The following FNIP1 variants were observed in gnomAD, a reference collection of about 807,000 sequenced individuals.
FNIP1 encodes folliculin-interacting protein 1.
FNIP1 carries 40 observed loss-of-function variants against 124.5 expected under a neutral mutation model. The ratio of observed to expected loss-of-function variants is 0.32; its 90% CI spans 0.25 to 0.42. FNIP1 has a LOEUF of 0.42. Among genes scored for constraint, FNIP1 ranks in the 10% least tolerant of loss-of-function variants. The probability of loss-of-function intolerance (pLI) is 1.00; values close to 1 mark genes in which losing one functional copy is unlikely to be tolerated. For missense variants in FNIP1, 1,176 were observed against 1,403.7 expected, an observed-to-expected ratio of 0.84 and a Z score of 2.59; for synonymous variants, 472 against 470.6, an observed-to-expected ratio of 1.00 and a Z score of -0.04.
chr5:131,657,146 G>T (rs1049309507), intron 15 of FNIP1, among the ~76,000 whole-genome samples: 1 of 150,980 alleles, frequency 6.6e-6, no homozygotes. Flanking sequence ...TGGGACTACA[G>T]GCACCTGCCA....
chr5:131,793,310 C>T (rs1014100491), intron 1 of FNIP1, among the ~76,000 whole-genome samples: 1 of 152,172 alleles, frequency 6.6e-6, no homozygotes, highest in Admixed American at 6.5e-5. Context: ...GCTGGGATTA[C>T]AAGTATAAGC....
intron 1 of FNIP1, among the ~76,000 whole-genome samples, chr5:131,782,009 C>A (rs1772011813): frequency 6.6e-6 from 1 of 151,948 alleles, no homozygotes. Context: ...AAAAAATTAG[C>A]CAGGCATCGT....
intron 2 of FNIP1, among the ~76,000 whole-genome samples, chr5:131,739,301 G>C (rs1180939179): frequency 6.6e-6 from 1 of 152,146 alleles, no homozygotes; most frequent in Non-Finnish European, 1.5e-5. Flanking sequence ...AAGAGTTTGA[G>C]ACCAGCCTGG....
At chr5:131,671,070 G>A (rs1427676511) in intron 14 of FNIP1, among the ~76,000 whole-genome samples, 1 of 152,190 alleles carries the variant, frequency 6.6e-6, no homozygotes, top group Non-Finnish European at 1.5e-5. Context: ...GGTATGTAAT[G>A]TTTCTCAAGC....
Position 131,739,934 on chromosome 5 carries a change from T to A in FNIP1, c.219+4630A>T, listed in dbSNP as rs74875573. Among the ~76,000 whole-genome samples, 461 of 152,076 alleles carry A rather than the reference T, an allele frequency of 3.0e-3. 2 individuals carry two copies. The highest frequency in any genetic ancestry group is 6.2e-3 in the South Asian group (30 of 4,816). Reference sequence around the variant, plus strand: ...TCTTTTTCAGTTTTCCAACCAATCATTGCTAATTTTTTTCCATTTGAACTT... The same window carrying A: ...TCTTTTTCAGTTTTCCAACCAATCAATGCTAATTTTTTTCCATTTGAACTT... On this transcript the variant is annotated intron_variant, in intron 2 of 17. Transcript: ENST00000510461.
At chr5:131,771,642 T>C (rs538964829) in intron 1 of FNIP1, among the ~76,000 whole-genome samples, 2 of 152,318 alleles carry the variant, frequency 1.3e-5, no homozygotes, top group Non-Finnish European at 2.9e-5. Context: ...CACCCAATCA[T>C]ACTAGTTCTC....
intron 11 of FNIP1, among the ~76,000 whole-genome samples, chr5:131,691,405 G>A (rs1452038537): frequency 1.3e-5 from 2 of 152,048 alleles, no homozygotes; most frequent in African/African-American, 2.4e-5. Context: ...TAAAATCAAC[G>A]ATCTAAGCTT....
chr5:131,683,448 A>G (rs994854194), intron 11 of FNIP1, among the ~76,000 whole-genome samples: 1 of 151,392 alleles, frequency 6.6e-6, no homozygotes, highest in Non-Finnish European at 1.5e-5. Context: ...AGCTACTCGG[A>G]AGGCTGAGGC....
chr5:131,642,867 C>CAAAAAAAAAAAAAA lies in FNIP1; in HGVS notation c.*1804_*1817dup, dbSNP rs34177023. 1.4e-5 allele frequency: 1 copy of CAAAAAAAAAAAAAA among 69,094 alleles called. No homozygotes were observed. The highest frequency in any genetic ancestry group is 5.5e-5 in the African/African-American group (1 of 18,042). The allele number at this position is 69,094 out of a possible 1,614,324, so 4.3% of individuals were successfully genotyped here. A position where few individuals can be genotyped will look rare whatever the true frequency, so the allele number is the denominator to read the frequency against. Reference sequence around the variant, plus strand: ...CTGGGTAACAAGAGTGAAACTCCGTCAAAAAAAAAAAAAAAAAAAAAAAGG... The same window carrying CAAAAAAAAAAAAAA: ...CTGGGTAACAAGAGTGAAACTCCGTCAAAAAAAAAAAAAAAAAAAAAAAAAAAAAAAAAAAAAGG... On this transcript the variant is annotated 3_prime_UTR_variant, in exon 18 of 18. Transcript: ENST00000510461.
At chr5:131,687,314 C>T (rs1768314455) in intron 11 of FNIP1, among the ~76,000 whole-genome samples, 1 of 152,114 alleles carries the variant, frequency 6.6e-6, no homozygotes, top group African/African-American at 2.4e-5. Context: ...CCATGTTGCC[C>T]AGGCTGGTCT....
At chr5:131,733,994 C>T (rs567548544) in intron 2 of FNIP1, among the ~76,000 whole-genome samples, 298 of 152,220 alleles carry the variant, frequency 2.0e-3, no homozygotes, top group African/African-American at 6.6e-3. Flanking sequence ...TTAATTATTA[C>T]CTCAATTTCA....
intron 1 of FNIP1, among the ~76,000 whole-genome samples, chr5:131,760,809 A>T (rs894478145): frequency 6.6e-6 from 1 of 150,842 alleles, no homozygotes; most frequent in Admixed American, 6.6e-5. Flanking sequence ...AGAATTAGGG[A>T]TTCACCACCA....
chr5:131,670,429 C>G, intron 15 of FNIP1, 34 bp downstream of exon 15: 1 of 1,505,328 alleles, frequency 6.6e-7, no homozygotes, highest in Non-Finnish European at 8.9e-7. Context: ...AGAGTTTCTT[C>G]TAAATAAACT....
chr5:131,794,417 T>A (rs1005125366), intron 1 of FNIP1, among the ~76,000 whole-genome samples: 25 of 152,162 alleles, frequency 1.6e-4, no homozygotes, highest in Middle Eastern at 3.4e-3. Flanking sequence ...AATTTTTTTT[T>A]AAAGTTAAAC....
intron 1 of FNIP1, among the ~76,000 whole-genome samples, chr5:131,749,674 G>A (rs1770803708): frequency 6.6e-6 from 1 of 152,120 alleles, no homozygotes; most frequent in East Asian, 1.9e-4. Flanking sequence ...TTACAGGTGT[G>A]AGCCACTGTG....
intron 2 of FNIP1, among the ~76,000 whole-genome samples, chr5:131,740,491 G>C (rs1392896562): frequency 6.6e-6 from 1 of 152,204 alleles, no homozygotes; most frequent in South Asian, 2.1e-4. Flanking sequence ...TGATACATGT[G>C]AATGGTCATA....
chr5:131,792,053 T>C (rs1259241603), intron 1 of FNIP1, among the ~76,000 whole-genome samples: 2 of 152,212 alleles, frequency 1.3e-5, no homozygotes, highest in African/African-American at 4.8e-5. Context: ...CATTAAGTTC[T>C]TTACATGACT....
At chr5:131,745,488 C>A (rs1489710021) in intron 1 of FNIP1, among the ~76,000 whole-genome samples, 2 of 151,866 alleles carry the variant, frequency 1.3e-5, no homozygotes, top group East Asian at 1.9e-4. Flanking sequence ...CCACTGTACT[C>A]CACCCTGGGT....
At chr5:131,790,110 T>C (rs1580842977) in intron 1 of FNIP1, among the ~76,000 whole-genome samples, 1 of 152,338 alleles carries the variant, frequency 6.6e-6, no homozygotes, top group East Asian at 1.9e-4. Flanking sequence ...AAATATTTCC[T>C]CAGCATATGC....
Sources: gnomAD v4.1 joint callset for allele counts (sites outside exome capture counted in the v4.1 genomes callset) on GRCh38, gnomAD v4.1.1 for gene constraint, MANE v1.5 for transcripts, NCBI Gene and HGNC (gene_info 2026-07-23, HGNC 2026-07-21) for gene names.